Variants in LARP4B observed in about 807,000 individuals in gnomAD.
The protein encoded by LARP4B is la-related protein 4B.
In LARP4B, 12 loss-of-function variants were observed where a neutral mutation model predicts 89.8. That is an observed-to-expected ratio of 0.13 (90% CI 0.09 to 0.22). The LOEUF (loss-of-function observed/expected upper bound fraction) is 0.22, where lower values mean the gene tolerates loss of function less well. Ranked by LOEUF, LARP4B falls within the 10% of genes least tolerant of loss-of-function variation. The pLI, the probability that LARP4B is intolerant of heterozygous loss-of-function variation, is 1.00. For synonymous variants in LARP4B, 367 were observed against 363.3 expected, an observed-to-expected ratio of 1.01 and a Z score of -0.12; for missense variants, 757 against 947.7, an observed-to-expected ratio of 0.80 and a Z score of 2.64.
At position 829,726 on chromosome 10, in the gene LARP4B, T is replaced by G; in HGVS notation, c.870A>C (p.Lys290Asn). Residue 290 changes from lysine (K) to asparagine (N), a missense_variant, in exon 10 of 18, where the codon AAA (lysine) becomes AAC (asparagine). Transcript: ENST00000316157. Reference protein sequence around the residue: ...ETEADAQQAYKYLREEVKTFQ... With the variant: ...ETEADAQQAYNYLREEVKTFQ... ...AAGTTTTGACTTCTTCTCGAAGGTATTTGTAAGCCTAAGGGCAAAATTAAG... is the reference window on the plus strand; with the variant it reads ...AAGTTTTGACTTCTTCTCGAAGGTAGTTGTAAGCCTAAGGGCAAAATTAAG... 6.2e-7 allele frequency: 1 copy of G among 1,612,054 alleles called. No homozygotes were observed. Among genetic ancestry groups the G allele is most frequent in the Non-Finnish European group, 8.5e-7 (1 of 1,178,578 alleles).
At position 815,006 on chromosome 10, in the gene LARP4B, G is replaced by A. The variant is rs147237603; in HGVS notation, c.1760C>T (p.Pro587Leu). The change falls in exon 16 of 18, where the codon CCG becomes CTG. Residue 587 changes from proline (P) to leucine (L), a missense_variant. Around this residue, in one of 5 missense-constraint regions of LARP4B, gnomAD observed 387 missense variants for 423.6 expected, o/e 0.91. Coordinates refer to ENST00000316157, the MANE Select transcript of LARP4B (RefSeq NM_015155.3). ...CGTTGCTGATACAGCACAAGAAGCCGGCACCGAGGGCTCTCTGGAGACCAC... is the reference window on the plus strand; with the variant it reads ...CGTTGCTGATACAGCACAAGAAGCCAGCACCGAGGGCTCTCTGGAGACCAC... Reference protein sequence around the residue: ...PVVVSREPSVPASCAVSATYE... With the variant: ...PVVVSREPSVLASCAVSATYE... 1,554 of 1,609,206 alleles carry A rather than the reference G, an allele frequency of 9.7e-4. 7 individuals carry two copies. Among genetic ancestry groups the A allele is most frequent in the Non-Finnish European group, 6.3e-4 (745 of 1,177,054 alleles).
At chr10:855,041 T>G (rs1021253029) in intron 5 of LARP4B, among the ~76,000 whole-genome samples, 1 of 152,220 alleles carries the variant, frequency 6.6e-6, no homozygotes, top group African/African-American at 2.4e-5. Flanking sequence ...AGCTTCAAAC[T>G]TTTCTTCTGC....
At chr10:909,243 G>A (rs373670937) in intron 1 of LARP4B, among the ~76,000 whole-genome samples, 15 of 146,384 alleles carry the variant, frequency 1.0e-4, no homozygotes, top group South Asian at 2.1e-4. Context: ...GCGGTGAGCC[G>A]AGATCGCGCC....
intron 11 of LARP4B, 107 bp from the exon 12 acceptor site, chr10:825,977 A>C (rs547874626): frequency 8.1e-6 from 6 of 737,634 alleles, no homozygotes; most frequent in Admixed American, 6.8e-5. Flanking sequence ...ATGTTGTCAG[A>C]GTCATGACCC....
intron 5 of LARP4B, among the ~76,000 whole-genome samples, chr10:857,226 T>C (rs984902174): frequency 6.6e-6 from 1 of 151,804 alleles, no homozygotes; most frequent in Admixed American, 6.6e-5. Flanking sequence ...TTAAAAGAAC[T>C]AGGATAAGAT....
rs1240102276 is a variant in LARP4B at position 842,793 on chromosome 10, A to G, written c.646+139T>C. ...CTCCAGAATTATTGGACCTGGGCAG[A>G]AAGGAACGGAAGGCCAGAAAAGAAT... On this transcript the variant is annotated intron_variant, in intron 7 of 17. Transcript: ENST00000316157. The G allele has an allele frequency of 4.1e-6, 3 of 726,670 alleles. No homozygotes were observed. The African/African-American group carries it at 5.4e-5, about 13-fold the overall frequency. 45.0% of individuals were successfully genotyped at this position (726,670 alleles called of 1,614,324 possible). A position where few individuals can be genotyped will look rare whatever the true frequency, so the allele number is the denominator to read the frequency against.
intron 5 of LARP4B, among the ~76,000 whole-genome samples, chr10:862,112 T>C (rs1363832258): frequency 3.3e-5 from 5 of 152,178 alleles, no homozygotes; most frequent in Non-Finnish European, 7.4e-5. Flanking sequence ...AAACTGCTCA[T>C]GTAGACGGGA....
At chr10:828,560 A>C (rs901250345) in intron 11 of LARP4B, among the ~76,000 whole-genome samples, 3 of 152,178 alleles carry the variant, frequency 2.0e-5, no homozygotes, top group African/African-American at 4.8e-5. Context: ...CCTGAGGACC[A>C]CTCAGTCTTT....
At chr10:964,732 G>A in the LARP4B span, among the ~76,000 whole-genome samples, 18 of 152,184 alleles carry the variant, frequency 1.2e-4, no homozygotes, top group Non-Finnish European at 2.1e-4. Context: ...ACTAATGAGG[G>A]TGTTTGTGAT....
intron 5 of LARP4B, among the ~76,000 whole-genome samples, chr10:854,217 T>G (rs1834190966): frequency 6.6e-6 from 1 of 152,194 alleles, no homozygotes; most frequent in Non-Finnish European, 1.5e-5. Flanking sequence ...CTGCAGTGAC[T>G]TTCTCCACTG....
the LARP4B span, among the ~76,000 whole-genome samples, chr10:979,427 A>AAT: frequency 6.6e-6 from 1 of 152,166 alleles, no homozygotes; most frequent in Non-Finnish European, 1.5e-5. Flanking sequence ...GCAGAATTAT[A>AAT]AGGAGGAGAG....
chr10:974,300 T>A, the LARP4B span, among the ~76,000 whole-genome samples: 1 of 152,000 alleles, frequency 6.6e-6, no homozygotes, highest in Non-Finnish European at 1.5e-5. Context: ...GGGAAGGGAT[T>A]TTCCCCTTGA....
At chr10:960,793 C>T in the LARP4B span, among the ~76,000 whole-genome samples, 105 of 150,082 alleles carry the variant, frequency 7.0e-4, 1 homozygote, top group Admixed American at 3.0e-3. Context: ...GTAATTAACA[C>T]GGTTAATTTC....
At chr10:975,005 G>A in the LARP4B span, among the ~76,000 whole-genome samples, 1 of 152,224 alleles carries the variant, frequency 6.6e-6, no homozygotes, top group Non-Finnish European at 1.5e-5. Flanking sequence ...TGGCTGGGAT[G>A]GGGTCTGGCC....
intron 1 of LARP4B, among the ~76,000 whole-genome samples, chr10:911,393 C>T: frequency 6.6e-6 from 1 of 152,044 alleles, no homozygotes; most frequent in Non-Finnish European, 1.5e-5. Flanking sequence ...CTTTTGGATC[C>T]TGTTTCTGGG....
chr10:840,403 A>G (rs1833466267), intron 7 of LARP4B, among the ~76,000 whole-genome samples: 1 of 152,182 alleles, frequency 6.6e-6, no homozygotes, highest in African/African-American at 2.4e-5. Flanking sequence ...CCTGTGCTTC[A>G]GCTTTACACA....
At chr10:813,268 A>G in intron 17 of LARP4B, 55 bp from the exon 18 acceptor site, 2 of 1,486,988 alleles carry the variant, frequency 1.3e-6, no homozygotes, top group Non-Finnish European at 1.8e-6. Context: ...TAGGGACAAG[A>G]CAGGAAATCA....
chr10:864,100 C>T lies in LARP4B; in HGVS notation c.289+23G>A, dbSNP rs778873413. On this transcript the variant is annotated intron_variant, in intron 4 of 17. Transcript: ENST00000316157. ...ACAGGCCTGAAAGCAGGGGGCTGCA[C>T]ACCACGGCCATGCTCAACTTACCCT... is the stretch of plus-strand genomic sequence containing the variant. 2.5e-6 allele frequency: 4 copies of T among 1,613,886 alleles called. No individual in the cohort carries two copies. In the South Asian group the frequency reaches 3.3e-5, roughly 13 times the overall value.
intron 9 of LARP4B, among the ~76,000 whole-genome samples, chr10:830,545 G>A (rs1484797199): frequency 6.6e-6 from 1 of 152,206 alleles, no homozygotes; most frequent in Non-Finnish European, 1.5e-5. Context: ...GCTGGGAGAT[G>A]AAGATTAGGT....
Sources: gnomAD v4.1 joint callset for allele counts (sites outside exome capture counted in the v4.1 genomes callset) on GRCh38, gnomAD v4.1.1 for gene constraint, gnomAD v4.1.1 regional missense constraint, MANE v1.5 for transcripts, NCBI Gene and HGNC (gene_info 2026-07-23, HGNC 2026-07-21) for gene names.